The following CALN1 variants were observed in gnomAD, a reference collection of about 807,000 sequenced individuals.
The protein encoded by CALN1 is calneuron 1, also known as calcium-binding protein 8.
In CALN1, 17 loss-of-function variants were observed where a neutral mutation model predicts 30.6. The observed-to-expected ratio is 0.56, with a 90% CI of 0.38 to 0.83. CALN1 has a LOEUF of 0.83. CALN1 is among the 40% of genes least tolerant of loss of function. The pLI is 0.00. For missense variants in CALN1, 291 were observed against 354.9 expected (o/e 0.82, Z 1.45); for synonymous variants, 156 against 131.4 (o/e 1.19, Z -1.28).
intron 5 of CALN1, among the ~76,000 whole-genome samples, chr7:71,917,850 C>T (rs1009709480): frequency 3.9e-5 from 6 of 152,124 alleles, no homozygotes; most frequent in African/African-American, 1.2e-4. Context: ...TTATCTTACA[C>T]AAAGTATGCA....
At chr7:72,251,269 A>AT (rs1197843561) in intron 3 of CALN1, among the ~76,000 whole-genome samples, 1 of 151,940 alleles carries the variant, frequency 6.6e-6, no homozygotes, top group Non-Finnish European at 1.5e-5. Context: ...ACATCACAGG[A>AT]TTTTTTTCAT....
intron 3 of CALN1, among the ~76,000 whole-genome samples, chr7:72,182,972 T>A (rs563356066): frequency 2.0e-5 from 3 of 152,236 alleles, no homozygotes; most frequent in African/African-American, 7.2e-5. Flanking sequence ...GGAGTCTACG[T>A]GTGGTCAACA....
intron 4 of CALN1, among the ~76,000 whole-genome samples, chr7:72,059,745 C>A (rs1418370922): frequency 1.3e-5 from 2 of 152,024 alleles, no homozygotes; most frequent in African/African-American, 4.8e-5. Flanking sequence ...TTTCCCATAA[C>A]TTAGTTATAG....
intron 5 of CALN1, among the ~76,000 whole-genome samples, chr7:71,980,187 CTT>C (rs60273576): frequency 2.0e-4 from 21 of 107,224 alleles, no homozygotes; most frequent in Non-Finnish European, 2.4e-4. Context: ...TCTTCTTTTT[CTT>C]TTTTTTTTTT....
At chr7:72,457,718 G>A in the CALN1 span, among the ~76,000 whole-genome samples, 3 of 150,806 alleles carry the variant, frequency 2.0e-5, no homozygotes, top group Non-Finnish European at 2.9e-5. Context: ...TAAAGGTGGT[G>A]TCCCTCCATA....
intron 4 of CALN1, among the ~76,000 whole-genome samples, chr7:72,054,170 T>C (rs1219678994): frequency 5.9e-5 from 9 of 152,004 alleles, no homozygotes; most frequent in Non-Finnish European, 1.2e-4. Flanking sequence ...AGCAGTGGGA[T>C]TGCTGGATTG....
chr7:72,376,432 ATTG>A (rs1804560792), intron 2 of CALN1, among the ~76,000 whole-genome samples: 1 of 152,130 alleles, frequency 6.6e-6, no homozygotes, highest in African/African-American at 2.4e-5. Flanking sequence ...TTTTGATATT[ATTG>A]TGGTTTTGAT....
rs753511216 is a variant in CALN1, at chr7:71,784,987, G to A, written c.*2788C>T. 1 of 397,288 alleles carries A rather than the reference G, an allele frequency of 2.5e-6. No individual in the cohort carries two copies. The highest frequency in any genetic ancestry group is 4.4e-6 in the Non-Finnish European group (1 of 225,522). 24.6% of individuals were successfully genotyped at this position (397,288 alleles called of 1,614,324 possible). On this transcript the variant is annotated 3_prime_UTR_variant, in exon 7 of 7. Coordinates refer to ENST00000395275, the MANE Select transcript of CALN1 (RefSeq NM_031468.4). ...GGCTTCCCTATACCCAAGACAAACT[G>A]TCCAAGCAAAGCAGCCAGGGTGCAA...
intron 2 of CALN1, among the ~76,000 whole-genome samples, chr7:72,280,470 C>T (rs1248244900): frequency 6.6e-6 from 1 of 152,224 alleles, no homozygotes; most frequent in Non-Finnish European, 1.5e-5. Flanking sequence ...GTTTCCAAAT[C>T]TATCCTTATA....
chr7:71,844,190 T>C (rs1336639839), intron 5 of CALN1, among the ~76,000 whole-genome samples: 1 of 152,194 alleles, frequency 6.6e-6, no homozygotes, highest in East Asian at 1.9e-4. Flanking sequence ...AGCCTCATTC[T>C]TGGGAATTCC....
intron 4 of CALN1, among the ~76,000 whole-genome samples, chr7:72,079,541 G>A (rs777101416): frequency 2.0e-5 from 3 of 152,062 alleles, no homozygotes; most frequent in African/African-American, 4.8e-5. Flanking sequence ...GGCAAAAACC[G>A]CAATTACTCT....
At chr7:71,918,379 G>A (rs912050042) in intron 5 of CALN1, among the ~76,000 whole-genome samples, 2 of 152,186 alleles carry the variant, frequency 1.3e-5, no homozygotes, top group Non-Finnish European at 2.9e-5. Flanking sequence ...GCTGATCTAA[G>A]ACTGAAATTC....
chr7:72,121,082 CTT>C (rs112163919), intron 3 of CALN1, among the ~76,000 whole-genome samples: 2,023 of 146,128 alleles, frequency 0.014, 41 homozygotes, highest in African/African-American at 0.044. Context: ...TATATTATAA[CTT>C]ATATATGAAT....
chr7:72,243,487 G>C (rs1161840171), intron 3 of CALN1, among the ~76,000 whole-genome samples: 1 of 152,180 alleles, frequency 6.6e-6, no homozygotes, highest in African/African-American at 2.4e-5. Flanking sequence ...TCGGTGCTAA[G>C]TGCTGACCTA....
chr7:72,350,783 A>C (rs1207419503), intron 2 of CALN1, among the ~76,000 whole-genome samples: 1 of 4,788 alleles, frequency 2.1e-4, no homozygotes, highest in Non-Finnish European at 9.4e-3. Flanking sequence ...CAAAAGTAAA[A>C]GTTAAAAAAA....
chr7:72,106,105 A>G (rs775252339), intron 4 of CALN1, 46 bp downstream of exon 4: 5 of 1,594,508 alleles, frequency 3.1e-6, no homozygotes, highest in Non-Finnish European at 4.3e-6. Context: ...CTCACTGATG[A>G]GACCGGGGCA....
At chr7:72,224,370 T>A (rs373259342) in intron 3 of CALN1, among the ~76,000 whole-genome samples, 77 of 152,048 alleles carry the variant, frequency 5.1e-4, no homozygotes, top group African/African-American at 1.8e-3. Flanking sequence ...GAAGGCAAAA[T>A]TTTTTTTGGA....
At chr7:71,986,753 G>A (rs979596689) in intron 5 of CALN1, among the ~76,000 whole-genome samples, 1 of 152,194 alleles carries the variant, frequency 6.6e-6, no homozygotes. Flanking sequence ...CATTTGTTCA[G>A]TACAGGTGAT....
At chr7:72,137,806 C>T (rs1809615418) in intron 3 of CALN1, among the ~76,000 whole-genome samples, 1 of 152,170 alleles carries the variant, frequency 6.6e-6, no homozygotes, top group Admixed American at 6.6e-5. Context: ...CAGTGGAGGA[C>T]ATCACGCCTG....
Sources: allele counts gnomAD v4.1 joint callset (sites outside exome capture counted in the v4.1 genomes callset), GRCh38; gene constraint gnomAD v4.1.1; transcripts MANE v1.5; gene names NCBI Gene and HGNC (gene_info 2026-07-23, HGNC 2026-07-21).